The following GLIS3 variants were observed in gnomAD, a reference collection of about 807,000 sequenced individuals.
GLIS3 encodes GLIS family zinc finger 3.
GLIS3 carries 53 observed loss-of-function variants against 78.6 expected under a neutral mutation model. The ratio of observed to expected loss-of-function variants is 0.67; its 90% CI spans 0.54 to 0.85. The LOEUF is 0.85. GLIS3 is among the 40% of genes least tolerant of loss of function. GLIS3 has a pLI of 0.00. For missense variants in GLIS3, 1,703 were observed against 1,231.1 expected (o/e 1.38, Z -5.74); for synonymous variants, 684 against 509.9 (o/e 1.34, Z -4.60).
At chr9:4,031,344 G>T (rs1304498204) in intron 4 of GLIS3, among the ~76,000 whole-genome samples, 1 of 152,178 alleles carries the variant, frequency 6.6e-6, no homozygotes, top group African/African-American at 2.4e-5. Flanking sequence ...CTGCAATGTG[G>T]ATGAACCTTG....
chr9:3,968,458 T>C (rs1031572898), intron 4 of GLIS3, among the ~76,000 whole-genome samples: 3 of 152,222 alleles, frequency 2.0e-5, no homozygotes, highest in African/African-American at 7.2e-5. Context: ...GCTGACTATA[T>C]GCATATGAAA....
chr9:4,282,837 C>T (rs144613343), intron 2 of GLIS3, among the ~76,000 whole-genome samples: 289 of 152,240 alleles, frequency 1.9e-3, no homozygotes, highest in African/African-American at 6.5e-3. Flanking sequence ...ACAAGAGTCC[C>T]ATGTTCCATC....
chr9:4,186,043 G>T (rs1432501299), intron 2 of GLIS3, among the ~76,000 whole-genome samples: 1 of 151,638 alleles, frequency 6.6e-6, no homozygotes, highest in Non-Finnish European at 1.5e-5. Context: ...GGGTACATGT[G>T]CACAATGCAG....
intron 7 of GLIS3, among the ~76,000 whole-genome samples, chr9:3,885,175 C>T (rs1223159479): frequency 1.3e-5 from 2 of 152,164 alleles, no homozygotes; most frequent in Admixed American, 1.3e-4. Context: ...ATAAAGATTT[C>T]AGATACTTGC....
chr9:3,867,750 TGTGTGA>T (rs747727190), intron 8 of GLIS3, among the ~76,000 whole-genome samples: 5,961 of 150,504 alleles, frequency 0.04, 137 homozygotes, highest in Middle Eastern at 0.068. Context: ...TGTGTGTGTG[TGTGTGA>T]GTGCATGTGT....
chr9:4,267,705 G>C (rs1298417401), intron 2 of GLIS3, among the ~76,000 whole-genome samples: 1 of 152,066 alleles, frequency 6.6e-6, no homozygotes, highest in South Asian at 2.1e-4. Context: ...ATAAAACAAC[G>C]ATAAGAAGAA....
chr9:3,932,323 T>G, intron 6 of GLIS3, 37 bp downstream of exon 6: 1 of 1,486,200 alleles, frequency 6.7e-7, no homozygotes. Flanking sequence ...AATCTGAACA[T>G]GCTTTTCCCG....
At chr9:4,284,727 A>G (rs942694759) in intron 2 of GLIS3, among the ~76,000 whole-genome samples, 4 of 151,670 alleles carry the variant, frequency 2.6e-5, no homozygotes, top group African/African-American at 7.3e-5. Flanking sequence ...CCTGAGCAAC[A>G]TAACGAAATC....
At chr9:4,443,021 C>T in the GLIS3 span, among the ~76,000 whole-genome samples, 5 of 152,150 alleles carry the variant, frequency 3.3e-5, no homozygotes, top group Non-Finnish European at 7.3e-5. Context: ...CCTCCCACCT[C>T]CCAAGTCAAG....
chr9:4,358,095 T>G, the GLIS3 span, among the ~76,000 whole-genome samples: 1 of 152,202 alleles, frequency 6.6e-6, no homozygotes, highest in Admixed American at 6.5e-5. Context: ...GTACAGTATG[T>G]TCCCATTTGT....
the GLIS3 span, among the ~76,000 whole-genome samples, chr9:4,413,826 T>C: frequency 1.3e-5 from 2 of 152,176 alleles, no homozygotes; most frequent in Non-Finnish European, 2.9e-5. Flanking sequence ...TTTCAAATTA[T>C]TAACTAAAAC....
chr9:4,377,628 T>C, the GLIS3 span, among the ~76,000 whole-genome samples: 8 of 151,816 alleles, frequency 5.3e-5, 1 homozygote, highest in Admixed American at 5.3e-4. Flanking sequence ...TTTCGCAAAG[T>C]AGTGTGAAGA....
At chr9:3,916,206 G>C (rs546088793) in intron 6 of GLIS3, among the ~76,000 whole-genome samples, 39 of 152,302 alleles carry the variant, frequency 2.6e-4, no homozygotes, top group African/African-American at 8.4e-4. Context: ...AACTCCCATA[G>C]TAATCGAACA....
At chr9:4,340,033 G>A (rs1239140625) in intron 2 of GLIS3, among the ~76,000 whole-genome samples, 1 of 151,744 alleles carries the variant, frequency 6.6e-6, no homozygotes, top group African/African-American at 2.4e-5. Context: ...AATACCAGCT[G>A]ACAAGCGGCT....
chr9:4,286,228 T>G lies in GLIS3; in HGVS notation c.198A>C (p.Gly66=), dbSNP rs1827981688. The part of the protein sequence containing the change: ...NNLHLKMPSG[G]GMAPQNNVAE... ...CCACGTTGTTCTGAGGAGCCATCCC[T>G]CCTCCTGAGGGCATCTTGAGATGGA... Residue 66 remains glycine, a synonymous_variant, in exon 2 of 11, where the codon GGA becomes GGC. Coordinates refer to ENST00000381971, the MANE Select transcript of GLIS3 (RefSeq NM_001042413.2). The G allele has an allele frequency of 6.2e-7, 1 of 1,614,192 alleles. No homozygotes were observed. Among genetic ancestry groups the G allele is most frequent in the Non-Finnish European group, 8.5e-7 (1 of 1,180,038 alleles).
chr9:3,830,724 C>T lies in GLIS3; in HGVS notation c.2474-1232G>A, dbSNP rs117452807. Among the ~76,000 whole-genome samples the T allele has an allele frequency of 5.7e-3, 861 of 152,298 alleles. 4 individuals are homozygous for T. The highest frequency in any genetic ancestry group is 7.8e-3 in the Non-Finnish European group (532 of 68,020). ...CCTTATTCCTGTGTGCCTTCCTCTACTAGAACTGCCTCTTCTTGAGATTGG... is the reference window on the plus strand; with the variant it reads ...CCTTATTCCTGTGTGCCTTCCTCTATTAGAACTGCCTCTTCTTGAGATTGG... On this transcript the variant is annotated intron_variant, in intron 9 of 10. Coordinates refer to ENST00000381971, the MANE Select transcript of GLIS3 (RefSeq NM_001042413.2).
the GLIS3 span, among the ~76,000 whole-genome samples, chr9:4,379,212 C>T: frequency 6.6e-6 from 1 of 152,264 alleles, no homozygotes; most frequent in East Asian, 1.9e-4. Context: ...CCACTGCACT[C>T]TCTCCCCTCT....
At chr9:4,091,921 C>A (rs1229155743) in intron 4 of GLIS3, among the ~76,000 whole-genome samples, 2 of 151,776 alleles carry the variant, frequency 1.3e-5, no homozygotes, top group Non-Finnish European at 2.9e-5. Flanking sequence ...AGTAAAAATA[C>A]CATATAAAAG....
intron 4 of GLIS3, among the ~76,000 whole-genome samples, chr9:4,010,131 G>T (rs1490556369): frequency 6.6e-6 from 1 of 152,134 alleles, no homozygotes; most frequent in African/African-American, 2.4e-5. Context: ...CCCCCGGGGT[G>T]GGGTGAGGGC....
Sources: allele counts gnomAD v4.1 joint callset (sites outside exome capture counted in the v4.1 genomes callset), GRCh38; gene constraint gnomAD v4.1.1; transcripts MANE v1.5; gene names NCBI Gene and HGNC (gene_info 2026-07-23, HGNC 2026-07-21).